SYT16: variants seen among roughly 807,000 people sequenced by gnomAD.
SYT16 encodes the protein synaptotagmin-16.
In SYT16, 42 loss-of-function variants were observed where a neutral mutation model predicts 61.4. The observed-to-expected ratio is 0.68, with a 90% CI of 0.53 to 0.89. The LOEUF (loss-of-function observed/expected upper bound fraction) is 0.89, where lower values mean the gene tolerates loss of function less well. Ranked by LOEUF, SYT16 falls within the 40% of genes least tolerant of loss-of-function variation. SYT16 has a pLI of 0.00. For synonymous variants in SYT16, 314 were observed against 302.3 expected (o/e 1.04, Z -0.40); for missense variants, 804 against 807.3 (o/e 1.00, Z 0.05).
Position 62,110,457 on chromosome 14 carries a change from G to A in SYT16, c.*9750G>A, listed in dbSNP as rs1421449716. On this transcript the variant is annotated 3_prime_UTR_variant, in exon 8 of 8. Coordinates refer to ENST00000683842, the MANE Select transcript of SYT16 (RefSeq NM_001367656.1). ...TGCAGAATTTTTGAAGACTTGCAAT[G>A]TTTTTGAAGACTACAGGATAGTTTG... 6.6e-6 allele frequency: 1 copy of A among 152,050 alleles called. No homozygotes were observed. Among genetic ancestry groups the A allele is most frequent in the African/African-American group, 2.4e-5 (1 of 41,416 alleles). 9.4% of individuals were successfully genotyped at this position (152,050 alleles called of 1,614,324 possible).
chr14:62,063,655 G>A (rs1343798578), intron 3 of SYT16, among the ~76,000 whole-genome samples: 1 of 151,940 alleles, frequency 6.6e-6, no homozygotes, highest in East Asian at 1.9e-4. Context: ...CCACCATCCC[G>A]TCTCTTTGGA....
chr14:61,871,684 C>T (rs1361708104), intron 1 of SYT16, among the ~76,000 whole-genome samples: 1 of 152,130 alleles, frequency 6.6e-6, no homozygotes, highest in East Asian at 1.9e-4. Flanking sequence ...TAAATTTAAT[C>T]CCTATTACTA....
intron 2 of SYT16, among the ~76,000 whole-genome samples, chr14:61,993,111 CA>C (rs2052622326): frequency 6.6e-6 from 1 of 151,956 alleles, no homozygotes; most frequent in Non-Finnish European, 1.5e-5. Flanking sequence ...AAGATTTGGA[CA>C]AGAAGATGCT....
At chr14:61,988,966 A>T (rs2057254015) in intron 2 of SYT16, among the ~76,000 whole-genome samples, 1 of 152,146 alleles carries the variant, frequency 6.6e-6, no homozygotes, top group Admixed American at 6.5e-5. Context: ...GAAATACCAG[A>T]TCCACCTGTA....
At chr14:62,017,912 C>T (rs2053755925) in intron 3 of SYT16, among the ~76,000 whole-genome samples, 1 of 152,092 alleles carries the variant, frequency 6.6e-6, no homozygotes, top group Non-Finnish European at 1.5e-5. Flanking sequence ...GACAGTGTCT[C>T]ACTATGTTGC....
intron 1 of SYT16, among the ~76,000 whole-genome samples, chr14:61,943,023 G>A (rs2050269572): frequency 6.6e-6 from 1 of 151,984 alleles, no homozygotes. Context: ...GAATCAAATA[G>A]ACACAATAAA....
chr14:62,097,510 C>G (rs1018742431), intron 7 of SYT16, among the ~76,000 whole-genome samples: 1 of 152,162 alleles, frequency 6.6e-6, no homozygotes, highest in African/African-American at 2.4e-5. Context: ...GTCATGCTCC[C>G]CAACTATTCC....
chr14:61,916,143 A>G (rs1010332035), intron 1 of SYT16, among the ~76,000 whole-genome samples: 8 of 152,160 alleles, frequency 5.3e-5, no homozygotes, highest in African/African-American at 1.7e-4. Flanking sequence ...TTTGAAAACC[A>G]TTTTAGAATT....
intron 1 of SYT16, among the ~76,000 whole-genome samples, chr14:61,829,628 A>T (rs577731227): frequency 2.0e-5 from 3 of 151,484 alleles, no homozygotes; most frequent in South Asian, 4.2e-4. Flanking sequence ...TATTGTTCAG[A>T]TTAGACAATT....
intron 1 of SYT16, among the ~76,000 whole-genome samples, chr14:61,939,486 C>T (rs1054245923): frequency 2.6e-5 from 4 of 152,166 alleles, no homozygotes; most frequent in Admixed American, 6.5e-5. Flanking sequence ...TCAAGGTGTC[C>T]GCATGATTGG....
At chr14:62,030,248 G>A (rs997805513) in intron 3 of SYT16, among the ~76,000 whole-genome samples, 15 of 152,114 alleles carry the variant, frequency 9.9e-5, no homozygotes, top group African/African-American at 2.2e-4. Flanking sequence ...CTCTGACTCC[G>A]TATTTTGATC....
At chr14:61,959,082 G>C (rs1337581795) in intron 1 of SYT16, among the ~76,000 whole-genome samples, 1 of 151,898 alleles carries the variant, frequency 6.6e-6, no homozygotes, top group African/African-American at 2.4e-5. Flanking sequence ...CTGTCTTTTG[G>C]TTACTATTTG....
At chr14:61,912,844 C>T (rs79409351) in intron 1 of SYT16, among the ~76,000 whole-genome samples, 1 of 152,090 alleles carries the variant, frequency 6.6e-6, no homozygotes, top group Admixed American at 6.6e-5. Context: ...TTGATAGGAA[C>T]AGACAGAAAC....
At position 61,816,760 on chromosome 14, in the gene SYT16, C is replaced by A. The variant is rs535566072; in HGVS notation, c.-325+3950C>A. ...GGCGCGGTGGCTCACGCCTGTAATC[C>A]CAGCACTTTGGGAGGCCGAGGCGGA... On this transcript the variant is annotated intron_variant, in intron 1 of 7. Coordinates refer to ENST00000683842, the MANE Select transcript of SYT16 (RefSeq NM_001367656.1). Among the ~76,000 whole-genome samples the A allele has an allele frequency of 2.0e-5, 3 of 152,180 alleles. No individual in the cohort carries two copies. The South Asian group carries it at 6.2e-4, about 32-fold the overall frequency.
Position 61,813,150 on chromosome 14 carries a change from G to A in SYT16, c.-325+340G>A, listed in dbSNP as rs2045320472. On this transcript the variant is annotated intron_variant, in intron 1 of 7. Transcript: ENST00000683842. ...AGCCGGGCAAACGAAGGCACTGCGCGTTTTTGGCGCTGTGAGTTCAAGGTT... is the reference window on the plus strand; with the variant it reads ...AGCCGGGCAAACGAAGGCACTGCGCATTTTTGGCGCTGTGAGTTCAAGGTT... Among the ~76,000 whole-genome samples the A allele has an allele frequency of 3.9e-5, 6 of 152,256 alleles. No homozygotes were observed. The South Asian group carries it at 1.2e-3, about 31-fold the overall frequency.
At chr14:61,904,058 G>A (rs1448032330) in intron 1 of SYT16, among the ~76,000 whole-genome samples, 2 of 152,118 alleles carry the variant, frequency 1.3e-5, no homozygotes, top group Non-Finnish European at 2.9e-5. Flanking sequence ...ACTGGGACCC[G>A]AACTTTTCTC....
chr14:61,942,979 C>T (rs2050266654), intron 1 of SYT16, among the ~76,000 whole-genome samples: 1 of 151,934 alleles, frequency 6.6e-6, no homozygotes, highest in Admixed American at 6.6e-5. Flanking sequence ...ATAGATAGAC[C>T]ACTAGCCAGA....
intron 1 of SYT16, among the ~76,000 whole-genome samples, chr14:61,920,144 CA>C (rs1454336812): frequency 3.9e-5 from 6 of 152,176 alleles, no homozygotes; most frequent in African/African-American, 1.4e-4. Context: ...GGTTACCATG[CA>C]CCTGTTTTTC....
Position 62,075,331 on chromosome 14 carries a change from T to A in SYT16, c.933T>A (p.Phe311Leu), listed in dbSNP as rs777764694. The A allele has an allele frequency of 3.1e-6, 5 of 1,613,876 alleles. No homozygotes were observed. Among genetic ancestry groups the A allele is most frequent in the Non-Finnish European group, 1.7e-6 (2 of 1,179,848 alleles). Reference sequence around the variant, plus strand: ...GCAGCTTGGAGATGGAGACAGCTTTTAATAGCCGGGGATTTGAAGATTCCT... The same window carrying A: ...GCAGCTTGGAGATGGAGACAGCTTTAAATAGCCGGGGATTTGAAGATTCCT... Reference protein sequence around the residue: ...TEGSLEMETAFNSRGFEDSYA... With the variant: ...TEGSLEMETALNSRGFEDSYA... Residue 311 changes from phenylalanine to leucine, a missense_variant, in exon 5 of 8, where the codon TTT becomes TTA. Physicochemically the swap from Phe to Leu is conservative, Grantham distance 22. Transcript: ENST00000683842.
Sources: allele counts gnomAD v4.1 joint callset (sites outside exome capture counted in the v4.1 genomes callset), GRCh38; gene constraint gnomAD v4.1.1; transcripts MANE v1.5; gene names NCBI Gene and HGNC (gene_info 2026-07-23, HGNC 2026-07-21).